The following HS6ST3 variants were observed in gnomAD, a reference collection of about 807,000 sequenced individuals.
HS6ST3 encodes heparan-sulfate 6-O-sulfotransferase 3.
HS6ST3 carries 12 observed loss-of-function variants against 36.7 expected under a neutral mutation model. The observed-to-expected ratio is 0.33, with a 90% CI of 0.21 to 0.53. The LOEUF is 0.53. Among genes scored for constraint, HS6ST3 ranks in the 20% least tolerant of loss-of-function variants. The pLI, the probability that HS6ST3 is intolerant of heterozygous loss-of-function variation, is 0.95. For synonymous variants in HS6ST3, 240 were observed against 257.5 expected (o/e 0.93, Z 0.65); for missense variants, 584 against 640.9 (o/e 0.91, Z 0.96).
chr13:96,412,611 T>C (rs1307408746), intron 1 of HS6ST3, among the ~76,000 whole-genome samples: 2 of 152,044 alleles, frequency 1.3e-5, no homozygotes, highest in South Asian at 2.1e-4. Flanking sequence ...TGTGCTGTTA[T>C]AGAGCCAGAA....
intron 1 of HS6ST3, among the ~76,000 whole-genome samples, chr13:96,152,574 C>T (rs1175798828): frequency 5.9e-5 from 9 of 152,086 alleles, no homozygotes; most frequent in Admixed American, 2.0e-4. Flanking sequence ...CCTGACCTTG[C>T]GATCCGCCCG....
At chr13:96,639,144 TATTATTGTTAG>T (rs1156869362) in intron 1 of HS6ST3, among the ~76,000 whole-genome samples, 1 of 152,044 alleles carries the variant, frequency 6.6e-6, no homozygotes, top group East Asian at 1.9e-4. Flanking sequence ...AGTTCTCAAC[TATTATTGTTAG>T]AATTTCTGCT....
At chr13:96,719,722 A>C (rs118007227) in intron 1 of HS6ST3, among the ~76,000 whole-genome samples, 6,032 of 152,276 alleles carry the variant, frequency 0.04, 169 homozygotes, top group Non-Finnish European at 0.062. Flanking sequence ...AGGACTAAAG[A>C]AAATCTAGTT....
intron 1 of HS6ST3, among the ~76,000 whole-genome samples, chr13:96,701,198 A>G (rs536940066): frequency 6.6e-6 from 1 of 152,340 alleles, no homozygotes; most frequent in East Asian, 1.9e-4. Flanking sequence ...CAAAGTCACA[A>G]CATTTCTATC....
intron 1 of HS6ST3, among the ~76,000 whole-genome samples, chr13:96,431,459 A>G (rs115939749): frequency 0.018 from 2,809 of 152,220 alleles, 94 homozygotes; most frequent in African/African-American, 0.065. Context: ...TTTCCCTCCC[A>G]AGGCCCGTTA....
intron 1 of HS6ST3, among the ~76,000 whole-genome samples, chr13:96,697,171 A>G (rs1220263334): frequency 6.7e-6 from 1 of 150,284 alleles, no homozygotes; most frequent in African/African-American, 2.5e-5. Context: ...AAATGTATAG[A>G]TGTGTGTGTG....
At chr13:96,289,466 C>T (rs935180897) in intron 1 of HS6ST3, among the ~76,000 whole-genome samples, 2 of 152,084 alleles carry the variant, frequency 1.3e-5, no homozygotes, top group African/African-American at 4.8e-5. Flanking sequence ...AAGGTGACAT[C>T]TTATTTCACT....
intron 1 of HS6ST3, among the ~76,000 whole-genome samples, chr13:96,799,982 G>T (rs796614289): frequency 1.2e-4 from 10 of 82,558 alleles, no homozygotes; most frequent in African/African-American, 6.9e-4. Flanking sequence ...ATATATATAT[G>T]TATATATATA....
intron 1 of HS6ST3, among the ~76,000 whole-genome samples, chr13:96,473,140 C>T (rs972490455): frequency 2.6e-5 from 4 of 152,106 alleles, no homozygotes; most frequent in Admixed American, 1.3e-4. Context: ...CTGAACATGG[C>T]GGTTTTAATT....
chr13:96,179,931 G>A (rs564588708), intron 1 of HS6ST3, among the ~76,000 whole-genome samples: 43 of 152,260 alleles, frequency 2.8e-4, no homozygotes, highest in African/African-American at 1.0e-3. Flanking sequence ...CCAGGTTCAA[G>A]CGATTTTCCT....
intron 1 of HS6ST3, among the ~76,000 whole-genome samples, chr13:96,561,283 A>G (rs2056261139): frequency 6.6e-6 from 1 of 152,194 alleles, no homozygotes; most frequent in Non-Finnish European, 1.5e-5. Context: ...AGAAATGGGG[A>G]AAGGACTTTC....
chr13:96,162,617 G>A (rs536876031), intron 1 of HS6ST3, among the ~76,000 whole-genome samples: 2 of 152,332 alleles, frequency 1.3e-5, no homozygotes, highest in East Asian at 3.9e-4. Context: ...AATGGAAAAT[G>A]TGATAAAAGG....
At chr13:96,550,184 T>C (rs1337325710) in intron 1 of HS6ST3, among the ~76,000 whole-genome samples, 1 of 152,102 alleles carries the variant, frequency 6.6e-6, no homozygotes, top group Admixed American at 6.6e-5. Context: ...TGGGAGATGT[T>C]TGGGTTGTGG....
At chr13:96,251,989 G>T (rs1487472632) in intron 1 of HS6ST3, among the ~76,000 whole-genome samples, 2 of 152,122 alleles carry the variant, frequency 1.3e-5, no homozygotes, top group East Asian at 3.9e-4. Flanking sequence ...CCCAGGGAAT[G>T]TTCCATGTGT....
At position 96,278,022 on chromosome 13, in the gene HS6ST3, C is replaced by T. The variant is rs548980210; in HGVS notation, c.707+186453C>T. Reference sequence around the variant, plus strand: ...TTAGCTTAACTAATAATGAGGACTCCGTTAATACAGGAGGTATTTTAAAGA... The same window carrying T: ...TTAGCTTAACTAATAATGAGGACTCTGTTAATACAGGAGGTATTTTAAAGA... On this transcript the variant is annotated intron_variant, in intron 1 of 1. Coordinates refer to ENST00000376705, the MANE Select transcript of HS6ST3 (RefSeq NM_153456.4). 1.2e-4 allele frequency among the ~76,000 whole-genome samples: 18 copies of T among 152,184 alleles called. No individual in the cohort carries two copies. In the South Asian group the frequency reaches 2.7e-3, roughly 23 times the overall value.
chr13:96,426,803 G>C (rs1038593350), intron 1 of HS6ST3, among the ~76,000 whole-genome samples: 1 of 152,098 alleles, frequency 6.6e-6, no homozygotes, highest in African/African-American at 2.4e-5. Flanking sequence ...TCCTTAAATA[G>C]TATGTTGCAC....
In HS6ST3 at chr13:96,161,852, A is replaced by G. The variant is rs992990857; in HGVS notation, c.707+70283A>G. ...TTACAAAGACCTGCGGAAGGCTTCC[A>G]TCATGAAAGAGATCACCATTAGTTA... On this transcript the variant is annotated intron_variant, in intron 1 of 1. Transcript: ENST00000376705. 1.1e-4 allele frequency among the ~76,000 whole-genome samples: 16 copies of G among 152,246 alleles called. No individual in the cohort carries two copies. In the East Asian group the frequency reaches 2.7e-3, roughly 26 times the overall value.
intron 1 of HS6ST3, among the ~76,000 whole-genome samples, chr13:96,295,548 G>A (rs1192281360): frequency 6.6e-6 from 1 of 152,042 alleles, no homozygotes; most frequent in Non-Finnish European, 1.5e-5. Flanking sequence ...AAAAAATAGT[G>A]CTGAGCGCGA....
At chr13:96,448,699 C>G (rs1210341038) in intron 1 of HS6ST3, among the ~76,000 whole-genome samples, 1 of 152,048 alleles carries the variant, frequency 6.6e-6, no homozygotes, top group East Asian at 1.9e-4. Context: ...AGGCTGAACT[C>G]CAGAGGGCCT....
Sources: allele counts gnomAD v4.1 joint callset (sites outside exome capture counted in the v4.1 genomes callset), GRCh38; gene constraint gnomAD v4.1.1; transcripts MANE v1.5; gene names NCBI Gene and HGNC (gene_info 2026-07-23, HGNC 2026-07-21).